BRF1: variants seen among roughly 807,000 people sequenced by gnomAD.
BRF1 encodes BRF1 general transcription factor IIIB subunit.
A neutral mutation model predicts 81.7 loss-of-function variants in BRF1; 59 were observed. The ratio of observed to expected loss-of-function variants is 0.72; its 90% confidence interval spans 0.59 to 0.90. The LOEUF is 0.90. Among genes scored for constraint, BRF1 ranks in the 40% least tolerant of loss-of-function variants. The pLI is 0.00. For missense variants in BRF1, 1,050 were observed against 936.3 expected, an observed-to-expected ratio of 1.12 and a Z score of -1.58; for synonymous variants, 491 against 395.6, an observed-to-expected ratio of 1.24 and a Z score of -2.86.
intron 1 of BRF1, chr14:105,314,592 C>G (rs1195344970): frequency 6.9e-6 from 1 of 144,994 alleles, no homozygotes; most frequent in African/African-American, 2.5e-5. Context: ...CCGGCGCGCG[C>G]TGCGCCGGCG....
At chr14:105,244,506 T>G (rs1259084462) in intron 5 of BRF1, among the ~76,000 whole-genome samples, 1 of 97,020 alleles carries the variant, frequency 1.0e-5, no homozygotes, top group South Asian at 3.6e-4. Flanking sequence ...GTGACTAGGG[T>G]GGAGGAGGAA....
rs757485726 is a variant in BRF1 at position 105,272,874 on chromosome 14, G to T, written c.286C>A (p.Leu96Met). Residue 96 changes from leucine (L) to methionine (M), a missense_variant, in exon 3 of 18, where the codon CTG becomes ATG. Around this residue, in one of 2 missense-constraint regions of BRF1, gnomAD observed 1,043 missense variants for 915.4 expected, o/e 1.14. Transcript: ENST00000547530. ...LQNGRRHIHH[L>M]GNQLQLNQHC... ...TGGTTCAGCTGCAGCTGGTTCCCCA[G>T]GTGGTGGATGTGGCGCCTCCCTAGG... The T allele has an allele frequency of 1.2e-6, 2 of 1,612,968 alleles. No homozygotes were observed. The highest frequency in any genetic ancestry group is 2.7e-5 in the African/African-American group (2 of 74,928).
intron 5 of BRF1, chr14:105,248,981 C>T: frequency 1.0e-6 from 1 of 986,340 alleles, no homozygotes; most frequent in African/African-American, 1.8e-5. Flanking sequence ...CGCCCAGCGC[C>T]CCCGCGCCAG....
intron 5 of BRF1, chr14:105,247,280 G>A (rs747857080): frequency 2.3e-5 from 23 of 985,384 alleles, no homozygotes; most frequent in Non-Finnish European, 2.8e-5. Flanking sequence ...GCGGAGTTAC[G>A]CACCCACCTG....
chr14:105,220,630 A>C (rs1892130653), intron 11 of BRF1, among the ~76,000 whole-genome samples: 1 of 152,186 alleles, frequency 6.6e-6, no homozygotes, highest in Non-Finnish European at 1.5e-5. Context: ...AGGACACCCC[A>C]AAACCTGCCT....
At chr14:105,221,208 G>A in intron 11 of BRF1, among the ~76,000 whole-genome samples, 1 of 152,212 alleles carries the variant, frequency 6.6e-6, no homozygotes, top group East Asian at 1.9e-4. Context: ...AAGGTGAGGG[G>A]GGGCAAGATG....
intron 16 of BRF1, 88 bp downstream of exon 16, chr14:105,212,025 C>A: frequency 1.3e-6 from 2 of 1,550,014 alleles, no homozygotes; most frequent in Non-Finnish European, 1.8e-6. Flanking sequence ...GCCTGCTCTC[C>A]CTGTGGTCAC....
chr14:105,244,749 A>G (rs2140235312), intron 5 of BRF1, among the ~76,000 whole-genome samples: 1 of 152,280 alleles, frequency 6.6e-6, no homozygotes, highest in South Asian at 2.1e-4. Context: ...TAGGAAAAAA[A>G]AGACTAAGGG....
At chr14:105,228,733 G>T in intron 7 of BRF1, 87 bp downstream of exon 7, 2 of 1,457,790 alleles carry the variant, frequency 1.4e-6, no homozygotes, top group Non-Finnish European at 9.5e-7. Context: ...AGGGTCCCGG[G>T]AGGTGGCGCC....
At chr14:105,274,009 C>A (rs1461784656) in intron 2 of BRF1, among the ~76,000 whole-genome samples, 3 of 152,218 alleles carry the variant, frequency 2.0e-5, no homozygotes, top group Non-Finnish European at 4.4e-5. Context: ...CGATATAAAA[C>A]CCGATTGTAC....
At chr14:105,252,961 T>C (rs995457303) in intron 4 of BRF1, among the ~76,000 whole-genome samples, 3 of 152,196 alleles carry the variant, frequency 2.0e-5, no homozygotes, top group African/African-American at 4.8e-5. Flanking sequence ...CAGCCCAGAT[T>C]CCGATGGGCC....
chr14:105,248,722 C>T (rs2055339651), intron 5 of BRF1: 2 of 982,186 alleles, frequency 2.0e-6, no homozygotes, highest in Non-Finnish European at 2.4e-6. Flanking sequence ...ATGCTGCTGC[C>T]CCTAGCCTGC....
intron 1 of BRF1, among the ~76,000 whole-genome samples, chr14:105,313,801 G>A (rs1168330010): frequency 1.3e-5 from 2 of 152,226 alleles, no homozygotes; most frequent in East Asian, 1.9e-4. Flanking sequence ...CCTAAATCTC[G>A]GCTTGGCATC....
intron 1 of BRF1, among the ~76,000 whole-genome samples, chr14:105,295,058 A>G (rs932277453): frequency 3.9e-5 from 6 of 152,184 alleles, no homozygotes; most frequent in Admixed American, 3.9e-4. Context: ...AAAATAGAAG[A>G]GGAAACGTTT....
At chr14:105,253,984 G>A (rs1482224174) in intron 4 of BRF1, among the ~76,000 whole-genome samples, 2 of 152,206 alleles carry the variant, frequency 1.3e-5, no homozygotes, top group Non-Finnish European at 2.9e-5. Flanking sequence ...CGCATGTCAT[G>A]TATGAGTGCC....
chr14:105,314,558 A>G (rs2140738554), intron 1 of BRF1: 1 of 145,288 alleles, frequency 6.9e-6, no homozygotes, highest in East Asian at 2.1e-4. Flanking sequence ...GCGCCGCCGG[A>G]GGAAGCGCGC....
At position 105,211,578 on chromosome 14, in the gene BRF1, T is replaced by C. The variant is rs117397380; in HGVS notation, c.1825-285A>G. ...GTGCTCGGGGAGCATGCAGAACACC[T>C]TTCCAGACCATAGGCCTCGGCCGAG... On this transcript the variant is annotated intron_variant, in intron 16 of 17. Coordinates refer to ENST00000547530, the MANE Select transcript of BRF1 (RefSeq NM_001519.4). 2.7e-3 allele frequency: 1,255 copies of C among 472,724 alleles called. 38 individuals are homozygous for C. In the East Asian group the frequency reaches 0.042, roughly 16 times the overall value. 29.3% of individuals were successfully genotyped at this position (472,724 alleles called of 1,614,324 possible).
intron 5 of BRF1, among the ~76,000 whole-genome samples, chr14:105,242,953 TA>T (rs1164029092): frequency 6.8e-6 from 1 of 147,402 alleles, no homozygotes; most frequent in Admixed American, 6.8e-5. Flanking sequence ...CCGTCTCAAC[TA>T]AAATACAAAA....
chr14:105,306,185 ATGACC>A (rs1480357223), intron 1 of BRF1, among the ~76,000 whole-genome samples: 2 of 152,232 alleles, frequency 1.3e-5, no homozygotes, highest in African/African-American at 2.4e-5. Context: ...CCTGAGAAAA[ATGACC>A]TGACCAGCAG....
Sources: allele counts gnomAD v4.1 joint callset (sites outside exome capture counted in the v4.1 genomes callset), GRCh38; gene constraint gnomAD v4.1.1; regional missense constraint gnomAD v4.1.1; transcripts MANE v1.5; gene names NCBI Gene and HGNC (gene_info 2026-07-23, HGNC 2026-07-21).